Variants in IFT80 observed in about 807,000 individuals in gnomAD.
IFT80 encodes the protein intraflagellar transport protein 80 homolog.
Under a neutral mutation model 107.9 loss-of-function variants are expected in IFT80, and 79 were observed. The ratio of observed to expected loss-of-function variants is 0.73; its 90% confidence interval spans 0.61 to 0.88. The LOEUF (loss-of-function observed/expected upper bound fraction) is 0.88. IFT80 is among the 40% of genes least tolerant of loss of function. The pLI, the probability that IFT80 is intolerant of heterozygous loss-of-function variation, is 0.00. For missense variants in IFT80, 797 were observed against 914.2 expected (o/e 0.87, Z 1.65); for synonymous variants, 299 against 300.9 (o/e 0.99, Z 0.07).
At chr3:160,397,686 C>T (rs1192825719) in intron 1 of IFT80, among the ~76,000 whole-genome samples, 4 of 151,544 alleles carry the variant, frequency 2.6e-5, no homozygotes, top group Non-Finnish European at 1.5e-5. Flanking sequence ...TGCTCTGTTG[C>T]CCCAAATACA....
intron 15 of IFT80, among the ~76,000 whole-genome samples, chr3:160,279,803 G>GCT (rs1714549123): frequency 6.6e-6 from 1 of 152,074 alleles, no homozygotes; most frequent in Non-Finnish European, 1.5e-5. Context: ...GGTGAGCCAG[G>GCT]CACAGTGGCT....
intron 9 of IFT80, among the ~76,000 whole-genome samples, chr3:160,317,677 C>T (rs1309618345): frequency 2.0e-5 from 3 of 152,070 alleles, no homozygotes; most frequent in Admixed American, 1.3e-4. Context: ...CTAGATCCTA[C>T]ATCCTTCTTA....
chr3:160,336,773 G>A lies in IFT80; in HGVS notation c.778-16834C>T, dbSNP rs117571970. Among the ~76,000 whole-genome samples the A allele has an allele frequency of 4.6e-5, 7 of 152,094 alleles. No homozygotes were observed. The East Asian group carries it at 1.2e-3, about 25-fold the overall frequency. ...CTTTCAAACAGTCTTATTGTAGATGGTCTGTTCTATTTGCTCTCTCTCTTT... is the reference window on the plus strand; with the variant it reads ...CTTTCAAACAGTCTTATTGTAGATGATCTGTTCTATTTGCTCTCTCTCTTT... On this transcript the variant is annotated intron_variant, in intron 8 of 19. Transcript: ENST00000326448.
At chr3:160,383,061 A>G (rs559590368) in intron 2 of IFT80, among the ~76,000 whole-genome samples, 10 of 152,358 alleles carry the variant, frequency 6.6e-5, no homozygotes, top group African/African-American at 2.4e-4. Flanking sequence ...AAACCTAGAA[A>G]GGAAGAAAAC....
At chr3:160,335,757 T>G (rs1236545956) in intron 8 of IFT80, among the ~76,000 whole-genome samples, 1 of 151,978 alleles carries the variant, frequency 6.6e-6, no homozygotes, top group Non-Finnish European at 1.5e-5. Context: ...CAATCACCAC[T>G]ATCTAATTTC....
At chr3:160,385,536 TA>T (rs1360106039) in intron 1 of IFT80, among the ~76,000 whole-genome samples, 2 of 152,222 alleles carry the variant, frequency 1.3e-5, no homozygotes, top group Non-Finnish European at 2.9e-5. Context: ...AGGCCTCTCT[TA>T]GATAATTTCT....
At chr3:160,328,387 AC>A (rs1425491134) in intron 8 of IFT80, among the ~76,000 whole-genome samples, 1 of 149,864 alleles carries the variant, frequency 6.7e-6, no homozygotes, top group African/African-American at 2.5e-5. Context: ...ACTTGAACCC[AC>A]AAGGCGGAGG....
At chr3:160,361,020 C>T (rs1242991744) in intron 6 of IFT80, among the ~76,000 whole-genome samples, 1 of 152,144 alleles carries the variant, frequency 6.6e-6, no homozygotes, top group Non-Finnish European at 1.5e-5. Flanking sequence ...CAAATTCACA[C>T]ATAACAATAT....
At chr3:160,291,179 T>C (rs970330932) in intron 12 of IFT80, among the ~76,000 whole-genome samples, 2 of 152,246 alleles carry the variant, frequency 1.3e-5, no homozygotes, top group Non-Finnish European at 2.9e-5. Flanking sequence ...ACTGGGATTT[T>C]GGACTAGAGA....
At chr3:160,368,953 T>C (rs1009395300) in intron 5 of IFT80, among the ~76,000 whole-genome samples, 3 of 151,900 alleles carry the variant, frequency 2.0e-5, no homozygotes, top group African/African-American at 7.2e-5. Flanking sequence ...ACTTTAAGGC[T>C]TTAGTTGTGG....
intron 4 of IFT80, among the ~76,000 whole-genome samples, chr3:160,377,026 CACTA>C (rs1423398344): frequency 6.6e-6 from 1 of 152,248 alleles, no homozygotes; most frequent in East Asian, 1.9e-4. Flanking sequence ...GATTTTAAGT[CACTA>C]ACTATTAAGA....
At chr3:160,301,891 A>C (rs990369511) in intron 11 of IFT80, among the ~76,000 whole-genome samples, 2 of 152,000 alleles carry the variant, frequency 1.3e-5, no homozygotes, top group Non-Finnish European at 2.9e-5. Flanking sequence ...CATTCCTGAT[A>C]AACATGTTTC....
chr3:160,381,797 T>G (rs1429905811), intron 2 of IFT80, 73 bp from the exon 3 acceptor site: 17 of 1,171,488 alleles, frequency 1.5e-5, no homozygotes, highest in Non-Finnish European at 2.2e-5. Flanking sequence ...AGATGCAGAT[T>G]ATAAGGTATA....
intron 8 of IFT80, among the ~76,000 whole-genome samples, chr3:160,337,071 C>T (rs184941618): frequency 3.3e-5 from 5 of 152,252 alleles, no homozygotes; most frequent in Admixed American, 3.3e-4. Context: ...TTTTCATATA[C>T]TCTTTTTCAT....
At chr3:160,351,912 T>G (rs1720733641) in intron 8 of IFT80, among the ~76,000 whole-genome samples, 1 of 152,068 alleles carries the variant, frequency 6.6e-6, no homozygotes, top group Non-Finnish European at 1.5e-5. Flanking sequence ...CTAGCTATTC[T>G]GAAAGAATCA....
rs137913785 is a variant in IFT80 at position 160,390,591 on chromosome 3, T to C, written c.-46-5945A>G. The stretch of plus-strand genomic sequence containing the variant: ...ATGGTGAAGAACTAATGGTTTAAGA[T>C]AGATGGTTGGAGATGGTAGAAACAG... On this transcript the variant is annotated intron_variant, in intron 1 of 19. Transcript: ENST00000326448. Among the ~76,000 whole-genome samples, 683 of 152,236 alleles carry C rather than the reference T, an allele frequency of 4.5e-3. 6 individuals are homozygous for C. Among genetic ancestry groups the C allele is most frequent in the African/African-American group, 0.016 (659 of 41,542 alleles).
chr3:160,317,160 C>A (rs1355814331), intron 9 of IFT80, among the ~76,000 whole-genome samples: 1 of 151,994 alleles, frequency 6.6e-6, no homozygotes, highest in African/African-American at 2.4e-5. Context: ...CAATGCCTGG[C>A]AAGTAGGGAT....
intron 1 of IFT80, among the ~76,000 whole-genome samples, chr3:160,396,117 G>A (rs1422042932): frequency 6.6e-6 from 1 of 151,456 alleles, no homozygotes; most frequent in African/African-American, 2.4e-5. Flanking sequence ...TCCAACCTAC[G>A]GAATAAAAAC....
At chr3:160,321,696 T>A (rs929837426) in intron 8 of IFT80, among the ~76,000 whole-genome samples, 1 of 152,126 alleles carries the variant, frequency 6.6e-6, no homozygotes, top group Non-Finnish European at 1.5e-5. Context: ...GTTATGTGAA[T>A]GTGGTCTCTA....
Sources: allele counts gnomAD v4.1 joint callset (sites outside exome capture counted in the v4.1 genomes callset), GRCh38; gene constraint gnomAD v4.1.1; transcripts MANE v1.5; gene names NCBI Gene and HGNC (gene_info 2026-07-23, HGNC 2026-07-21).